Variants in ANKHD1 observed in about 807,000 individuals in gnomAD.
ANKHD1 encodes the protein ankyrin repeat and KH domain containing 1.
In ANKHD1, 31 loss-of-function variants were observed where a neutral mutation model predicts 230.5. That is an observed-to-expected ratio of 0.13 (90% CI 0.10 to 0.18). The LOEUF (loss-of-function observed/expected upper bound fraction) is 0.18. Among genes scored for constraint, ANKHD1 ranks in the 10% least tolerant of loss-of-function variants. The pLI, the probability that ANKHD1 is intolerant of heterozygous loss-of-function variation, is 1.00. For synonymous variants in ANKHD1, 1,074 were observed against 1,117.6 expected (o/e 0.96, Z 0.78); for missense variants, 2,256 against 3,071.3 (o/e 0.73, Z 6.27).
intron 14 of ANKHD1, 55 bp from the exon 15 acceptor site, chr5:140,496,465 T>G: frequency 2.0e-6 from 2 of 981,000 alleles, no homozygotes. Flanking sequence ...TCTTTTCTTT[T>G]TTTTTTTTTT....
At chr5:140,415,761 T>C (rs2126858672) in intron 1 of ANKHD1, among the ~76,000 whole-genome samples, 1 of 152,106 alleles carries the variant, frequency 6.6e-6, no homozygotes, top group South Asian at 2.1e-4. Flanking sequence ...TTTGAGTTAA[T>C]TTTTTAAAAT....
In ANKHD1 at chr5:140,538,661, T is replaced by A. The variant is rs559856728; in HGVS notation, c.7405-258T>A. Reference sequence around the variant, plus strand: ...CTAAAATATGGGAAAGTTGAGGTTATTTTTATCAAATATGAGAAATTTCCT... The same window carrying A: ...CTAAAATATGGGAAAGTTGAGGTTAATTTTATCAAATATGAGAAATTTCCT... On this transcript the variant is annotated intron_variant, in intron 32 of 33. Coordinates refer to ENST00000360839, the MANE Select transcript of ANKHD1 (RefSeq NM_017747.3). 4.6e-4 allele frequency among the ~76,000 whole-genome samples: 70 copies of A among 152,358 alleles called. 1 individual carries two copies. The highest frequency in any genetic ancestry group is 6.8e-3 in the Middle Eastern group (2 of 294).
intron 10 of ANKHD1, chr5:140,472,279 A>T: frequency 6.2e-7 from 1 of 1,613,698 alleles, no homozygotes; most frequent in Middle Eastern, 1.7e-4. Context: ...GAGGGCATAG[A>T]TCCGGCCAAG....
At chr5:140,498,473 G>A (rs1752134151) in intron 15 of ANKHD1, among the ~76,000 whole-genome samples, 1 of 152,178 alleles carries the variant, frequency 6.6e-6, no homozygotes, top group Non-Finnish European at 1.5e-5. Context: ...AGGTATCATT[G>A]TGCAGAGGAG....
chr5:140,448,439 G>A (rs1774455624), intron 6 of ANKHD1, among the ~76,000 whole-genome samples: 1 of 152,090 alleles, frequency 6.6e-6, no homozygotes, highest in Non-Finnish European at 1.5e-5. Context: ...ACATTTTTAA[G>A]GGTTTTGCTA....
chr5:140,449,964 T>A (rs1774584879), intron 7 of ANKHD1, among the ~76,000 whole-genome samples: 1 of 152,176 alleles, frequency 6.6e-6, no homozygotes, highest in African/African-American at 2.4e-5. Flanking sequence ...GAATCATACT[T>A]TTAATATACA....
At chr5:140,429,528 A>G (rs1277813722) in intron 1 of ANKHD1, among the ~76,000 whole-genome samples, 3 of 152,206 alleles carry the variant, frequency 2.0e-5, no homozygotes, top group Admixed American at 2.0e-4. Flanking sequence ...GCTCTGTGGA[A>G]AACAATGTAT....
chr5:140,427,793 C>A (rs1772643926), intron 1 of ANKHD1, among the ~76,000 whole-genome samples: 1 of 150,948 alleles, frequency 6.6e-6, no homozygotes, highest in South Asian at 2.1e-4. Flanking sequence ...CCACCTCCCT[C>A]CCGGACAGGG....
chr5:140,452,888 G>A (rs2126949946), intron 7 of ANKHD1, among the ~76,000 whole-genome samples: 1 of 152,334 alleles, frequency 6.6e-6, no homozygotes, highest in South Asian at 2.1e-4. Context: ...AACGAATTGA[G>A]AGAAGAAGGC....
chr5:140,418,899 T>A (rs537259418), intron 1 of ANKHD1, among the ~76,000 whole-genome samples: 1 of 152,158 alleles, frequency 6.6e-6, no homozygotes, highest in East Asian at 1.9e-4. Flanking sequence ...CCTGGCTAAT[T>A]TTTGTATTTT....
intron 7 of ANKHD1, among the ~76,000 whole-genome samples, chr5:140,457,375 A>G: frequency 6.6e-6 from 1 of 152,228 alleles, no homozygotes; most frequent in Non-Finnish European, 1.5e-5. Context: ...AAGGATTATA[A>G]ATCATGCTGC....
chr5:140,469,602 A>G (rs1274815455), intron 10 of ANKHD1, among the ~76,000 whole-genome samples: 5 of 152,098 alleles, frequency 3.3e-5, no homozygotes, highest in Non-Finnish European at 5.9e-5. Flanking sequence ...ACACAGGAAT[A>G]AAATTACTTT....
intron 7 of ANKHD1, among the ~76,000 whole-genome samples, chr5:140,456,891 A>C (rs1459676554): frequency 1.3e-5 from 2 of 152,364 alleles, no homozygotes; most frequent in East Asian, 1.9e-4. Context: ...TCTGCACAGC[A>C]AAAGAAACTA....
chr5:140,506,765 T>A lies in ANKHD1; in HGVS notation c.3409-70T>A. The A allele has an allele frequency of 6.3e-7, 1 of 1,580,942 alleles. No individual in the cohort carries two copies. Among genetic ancestry groups the A allele is most frequent in the Non-Finnish European group, 8.5e-7 (1 of 1,170,272 alleles). On this transcript the variant is annotated intron_variant, in intron 18 of 33. Coordinates refer to ENST00000360839, the MANE Select transcript of ANKHD1 (RefSeq NM_017747.3). This position sits in a 1 kb window ranked among gnomAD's most constrained non-coding sequence, Gnocchi z 4.7. Reference sequence around the variant, plus strand: ...TAAGGAAGTTATAAGTCCTGTTTCTTTGTGTTTCCTTCATTATAAGTTGAG... The same window carrying A: ...TAAGGAAGTTATAAGTCCTGTTTCTATGTGTTTCCTTCATTATAAGTTGAG...
At chr5:140,501,207 G>A (rs935443425) in intron 15 of ANKHD1, among the ~76,000 whole-genome samples, 1 of 150,504 alleles carries the variant, frequency 6.6e-6, no homozygotes, top group East Asian at 2.0e-4. Flanking sequence ...CTCCCAAGTA[G>A]CTGGGATTAC....
chr5:140,506,131 GC>G lies in ANKHD1; in HGVS notation c.3408+265del, dbSNP rs1315259234. On this transcript the variant is annotated intron_variant, in intron 18 of 33. Coordinates refer to ENST00000360839, the MANE Select transcript of ANKHD1 (RefSeq NM_017747.3). The surrounding 1 kb of genome is among the most constrained non-coding windows in gnomAD (Gnocchi z 4.7). ...TGTAGAGATGGGGTCATGTAATGTT[GC>G]CCTGGCCGATTTCAAACTCCTGGCC... Among the ~76,000 whole-genome samples the G allele has an allele frequency of 6.6e-6, 1 of 152,066 alleles. No individual in the cohort carries two copies. The highest frequency in any genetic ancestry group is 2.4e-5 in the African/African-American group (1 of 41,392).
chr5:140,507,032 A>C lies in ANKHD1; in HGVS notation c.3551+55A>C. ...TTAGTAAGTTACTACTTTGGACTTA[A>C]ATGTCTACCTCTTAACGTTTAGACA... is the stretch of plus-strand genomic sequence containing the variant. On this transcript the variant is annotated intron_variant, in intron 19 of 33. Coordinates refer to ENST00000360839, the MANE Select transcript of ANKHD1 (RefSeq NM_017747.3). The surrounding 1 kb of genome is among the most constrained non-coding windows in gnomAD (Gnocchi z 4.1). 1 of 1,594,382 alleles carries C rather than the reference A, an allele frequency of 6.3e-7. No homozygotes were observed. The highest frequency in any genetic ancestry group is 8.5e-7 in the Non-Finnish European group (1 of 1,172,896).
Position 140,507,815 on chromosome 5 carries a change from G to C in ANKHD1, c.3582G>C (p.Leu1194=). 1 of 1,614,084 alleles carries C rather than the reference G, an allele frequency of 6.2e-7. No individual in the cohort carries two copies. Among genetic ancestry groups the C allele is most frequent in the Non-Finnish European group, 8.5e-7 (1 of 1,180,018 alleles). Residue 1194 remains leucine, a synonymous_variant, in exon 20 of 34, where the codon CTG becomes CTC. Coordinates refer to ENST00000360839, the MANE Select transcript of ANKHD1 (RefSeq NM_017747.3). This position sits in a 1 kb window ranked among gnomAD's most constrained non-coding sequence, Gnocchi z 4.1. The stretch of plus-strand genomic sequence containing the variant: ...GGAGTAAACTAGGTATTTCTCCCCT[G>C]ATGTTGGCTGCAATGAATGGACATG... The part of the protein sequence containing the change: ...RTGSKLGISP[L]MLAAMNGHVP...
chr5:140,533,415 G>A (rs1753925017), intron 29 of ANKHD1, among the ~76,000 whole-genome samples: 1 of 152,030 alleles, frequency 6.6e-6, no homozygotes, highest in Admixed American at 6.6e-5. Flanking sequence ...TGGTTAACAC[G>A]GTGAAACCCC....
Sources: allele counts gnomAD v4.1 joint callset (sites outside exome capture counted in the v4.1 genomes callset), GRCh38; gene constraint gnomAD v4.1.1; non-coding constraint Gnocchi (gnomAD v3.1); transcripts MANE v1.5; gene names NCBI Gene and HGNC (gene_info 2026-07-23, HGNC 2026-07-21).